The following POU6F2 variants were observed in gnomAD, a reference collection of about 807,000 sequenced individuals.
POU6F2 encodes the protein POU domain, class 6, transcription factor 2.
POU6F2 carries 31 observed loss-of-function variants against 71.3 expected under a neutral mutation model. The observed-to-expected ratio is 0.43, with a 90% CI of 0.33 to 0.59. The LOEUF is 0.59. Among genes scored for constraint, POU6F2 ranks in the 20% least tolerant of loss-of-function variants. POU6F2 has a pLI of 0.04. For missense variants in POU6F2, 783 were observed against 856.8 expected, an observed-to-expected ratio of 0.91 and a Z score of 1.07; for synonymous variants, 347 against 355.7, an observed-to-expected ratio of 0.98 and a Z score of 0.27.
In POU6F2 at chr7:38,993,302, T is replaced by G. The variant is rs151216329; in HGVS notation, c.105+15244T>G. ...ATAAGAAATTAAGGAAAAAGGAATA[T>G]AGGCAAAGGTAAAAAGAAAATAAGA... is the stretch of plus-strand genomic sequence containing the variant. On this transcript the variant is annotated intron_variant, in intron 1 of 9. Coordinates refer to ENST00000518318, the MANE Select transcript of POU6F2 (RefSeq NM_001370959.1). Among the ~76,000 whole-genome samples the G allele has an allele frequency of 6.8e-3, 1,035 of 152,148 alleles. 7 individuals are homozygous for G. The highest frequency in any genetic ancestry group is 0.024 in the African/African-American group (985 of 41,486).
chr7:39,048,177 G>A (rs139912681), intron 1 of POU6F2, among the ~76,000 whole-genome samples: 1 of 151,700 alleles, frequency 6.6e-6, no homozygotes, highest in Non-Finnish European at 1.5e-5. Flanking sequence ...TTGCTTTATT[G>A]GTTGTAGGTC....
intron 1 of POU6F2, among the ~76,000 whole-genome samples, chr7:39,031,327 C>G (rs1789938100): frequency 6.6e-6 from 1 of 151,978 alleles, no homozygotes. Flanking sequence ...GATCTGTAAG[C>G]CATTTTGTTG....
intron 2 of POU6F2, among the ~76,000 whole-genome samples, chr7:39,200,867 A>G (rs906868216): frequency 2.6e-5 from 4 of 151,820 alleles, no homozygotes; most frequent in Non-Finnish European, 5.9e-5. Context: ...AAAAGAAAAA[A>G]AAAGAAAAAA....
chr7:39,290,769 G>T (rs1583500811), intron 4 of POU6F2, among the ~76,000 whole-genome samples: 1 of 152,166 alleles, frequency 6.6e-6, no homozygotes, highest in East Asian at 1.9e-4. Context: ...CTCCTTCAGG[G>T]ACTGCAGGCC....
At chr7:39,275,883 C>T (rs902571577) in intron 4 of POU6F2, among the ~76,000 whole-genome samples, 29 of 151,682 alleles carry the variant, frequency 1.9e-4, no homozygotes, top group African/African-American at 7.0e-4. Context: ...CTTCCTTACA[C>T]CTTATACAAA....
intron 6 of POU6F2, among the ~76,000 whole-genome samples, chr7:39,429,310 C>T (rs534576025): frequency 1.3e-5 from 2 of 152,174 alleles, no homozygotes; most frequent in African/African-American, 4.8e-5. Context: ...CCTGCTTGGC[C>T]CCCATTTCTT....
intron 2 of POU6F2, among the ~76,000 whole-genome samples, chr7:39,119,127 A>C (rs1254160955): frequency 6.6e-6 from 1 of 152,218 alleles, no homozygotes; most frequent in Non-Finnish European, 1.5e-5. Context: ...GACGGGACCC[A>C]GGAAAGAGGT....
intron 4 of POU6F2, among the ~76,000 whole-genome samples, chr7:39,279,297 C>T (rs1202301460): frequency 9.0e-6 from 1 of 110,928 alleles, no homozygotes; most frequent in South Asian, 2.9e-4. Context: ...TGCCGACCTT[C>T]CCAGGTGTCC....
At chr7:39,258,492 C>T (rs2128753935) in intron 4 of POU6F2, among the ~76,000 whole-genome samples, 1 of 152,280 alleles carries the variant, frequency 6.6e-6, no homozygotes, top group East Asian at 1.9e-4. Flanking sequence ...TATGCCTAGA[C>T]CCTGTATATG....
intron 2 of POU6F2, 131 bp downstream of exon 2, chr7:39,086,162 A>C: frequency 4.1e-6 from 4 of 966,128 alleles, no homozygotes; most frequent in Non-Finnish European, 5.8e-6. Flanking sequence ...AGCATCTTGG[A>C]GGTGCTAAGC....
chr7:39,015,670 ATTATATCTATG>A (rs1321287164), intron 1 of POU6F2, among the ~76,000 whole-genome samples: 19 of 100,176 alleles, frequency 1.9e-4, no homozygotes, highest in African/African-American at 7.4e-4. Context: ...ATATAGATAT[ATTATATCTATG>A]TTATATATCT....
chr7:39,115,704 G>A (rs1158456115), intron 2 of POU6F2, among the ~76,000 whole-genome samples: 1 of 152,210 alleles, frequency 6.6e-6, no homozygotes, highest in African/African-American at 2.4e-5. Flanking sequence ...TCAAGTCAAA[G>A]CTTCCGGAGC....
intron 4 of POU6F2, among the ~76,000 whole-genome samples, chr7:39,321,109 A>G (rs1196117476): frequency 1.3e-5 from 2 of 152,178 alleles, no homozygotes; most frequent in East Asian, 1.9e-4. Flanking sequence ...ATAACAATAT[A>G]TTGTAATAAA....
At chr7:39,163,962 T>C (rs1793054458) in intron 2 of POU6F2, among the ~76,000 whole-genome samples, 1 of 152,104 alleles carries the variant, frequency 6.6e-6, no homozygotes, top group African/African-American at 2.4e-5. Flanking sequence ...GAAGGGGAGA[T>C]GTTGTTCAAA....
At chr7:39,077,147 A>G (rs945590101) in intron 1 of POU6F2, among the ~76,000 whole-genome samples, 2 of 152,330 alleles carry the variant, frequency 1.3e-5, no homozygotes, top group South Asian at 2.1e-4. Context: ...CCCATTACCA[A>G]AAGACCAGAT....
intron 1 of POU6F2, among the ~76,000 whole-genome samples, chr7:38,994,314 G>C (rs1483231650): frequency 1.3e-5 from 2 of 152,072 alleles, no homozygotes; most frequent in African/African-American, 4.8e-5. Flanking sequence ...ACTGGTACTC[G>C]GTGGGTTTCA....
chr7:39,424,459 A>G (rs1356135600), intron 6 of POU6F2, among the ~76,000 whole-genome samples: 1 of 152,200 alleles, frequency 6.6e-6, no homozygotes, highest in Non-Finnish European at 1.5e-5. Flanking sequence ...TTATGCCAAT[A>G]TATAATTCAG....
chr7:39,335,394 C>A (rs1255247294), intron 4 of POU6F2, among the ~76,000 whole-genome samples: 7 of 152,212 alleles, frequency 4.6e-5, no homozygotes, highest in Admixed American at 4.6e-4. Flanking sequence ...AGGAGCCGAA[C>A]AAGCAGACCC....
At chr7:39,029,006 T>C (rs1437007031) in intron 1 of POU6F2, among the ~76,000 whole-genome samples, 1 of 151,934 alleles carries the variant, frequency 6.6e-6, no homozygotes, top group Non-Finnish European at 1.5e-5. Context: ...AATAAATAAA[T>C]GTGTAGAGTC....
Sources: gnomAD v4.1 joint callset for allele counts (sites outside exome capture counted in the v4.1 genomes callset) on GRCh38, gnomAD v4.1.1 for gene constraint, MANE v1.5 for transcripts, NCBI Gene and HGNC (gene_info 2026-07-23, HGNC 2026-07-21) for gene names.